The following TMPRSS5 variants were observed in gnomAD, a reference collection of about 807,000 sequenced individuals.
TMPRSS5 encodes transmembrane serine protease 5.
A neutral mutation model predicts 59.7 loss-of-function variants in TMPRSS5; 45 were observed. That is an observed-to-expected ratio of 0.75 (90% CI 0.59 to 0.97). TMPRSS5 has a LOEUF of 0.97. Ranked by LOEUF, TMPRSS5 falls within the 50% of genes least tolerant of loss-of-function variation. The pLI is 0.00. For synonymous variants in TMPRSS5, 225 were observed against 232.0 expected (o/e 0.97, Z 0.27); for missense variants, 585 against 596.7 (o/e 0.98, Z 0.20).
chr11:113,700,131 T>TG lies in TMPRSS5; in HGVS notation c.40dup (p.Gln14ProfsTer74). On this transcript the variant is annotated frameshift_variant, in exon 2 of 13. Coordinates refer to ENST00000299882, the MANE Select transcript of TMPRSS5 (RefSeq NM_030770.4). LOFTEE classifies it high-confidence loss of function. Reference sequence around the variant, plus strand: ...AGGTCCTGGGCCCTCCTCTGCATACTGGGCCTCCATAGGGGGTTGGTCATC... The same window carrying TG: ...AGGTCCTGGGCCCTCCTCTGCATACTGGGGCCTCCATAGGGGGTTGGTCATC... 1 of 1,581,312 alleles carries TG rather than the reference T, an allele frequency of 6.3e-7. No homozygotes were observed. Among genetic ancestry groups the TG allele is most frequent in the Non-Finnish European group, 8.6e-7 (1 of 1,162,180 alleles).
chr11:113,706,176 AAG>A, intron 1 of TMPRSS5, 44 bp downstream of exon 1: 7 of 1,583,362 alleles, frequency 4.4e-6, no homozygotes, highest in Non-Finnish European at 6.0e-6. Context: ...GAGAGAAAGA[AAG>A]AGAGAGAGGC....
chr11:113,690,028 C>T, intron 11 of TMPRSS5, 111 bp from the exon 12 acceptor site: 1 of 1,308,634 alleles, frequency 7.6e-7, no homozygotes, highest in Non-Finnish European at 1.0e-6. Context: ...CCGCCTGCTT[C>T]TAGCTGAGAT....
At chr11:113,700,481 T>A (rs1953101436) in intron 1 of TMPRSS5, among the ~76,000 whole-genome samples, 1 of 152,158 alleles carries the variant, frequency 6.6e-6, no homozygotes, top group African/African-American at 2.4e-5. Flanking sequence ...ATTGAAGGCA[T>A]CTACTAAAGT....
At chr11:113,699,152 C>T in intron 3 of TMPRSS5, 125 bp from the exon 4 acceptor site, 2 of 956,156 alleles carry the variant, frequency 2.1e-6, no homozygotes, top group Middle Eastern at 2.5e-4. Flanking sequence ...GGGCATAGCG[C>T]TCCATCTCTC....
At chr11:113,702,111 G>A (rs1444719472) in intron 1 of TMPRSS5, among the ~76,000 whole-genome samples, 2 of 152,120 alleles carry the variant, frequency 1.3e-5, no homozygotes, top group African/African-American at 4.8e-5. Flanking sequence ...CCCTGCAGAG[G>A]ACATTATCTC....
At chr11:113,691,560 A>C (rs1952779308) in intron 9 of TMPRSS5, among the ~76,000 whole-genome samples, 1 of 152,124 alleles carries the variant, frequency 6.6e-6, no homozygotes. Flanking sequence ...ATTTCTTTTC[A>C]TGCTACATAT....
chr11:113,698,635 C>G (rs991209944), intron 4 of TMPRSS5, among the ~76,000 whole-genome samples: 1 of 152,226 alleles, frequency 6.6e-6, no homozygotes, highest in African/African-American at 2.4e-5. Context: ...CTGGCTCACT[C>G]TGCCCCAAAT....
At chr11:113,693,900 T>C (rs1476976313) in intron 8 of TMPRSS5, among the ~76,000 whole-genome samples, 1 of 152,158 alleles carries the variant, frequency 6.6e-6, no homozygotes, top group African/African-American at 2.4e-5. Context: ...AATAATTACA[T>C]GGAAAATGAT....
intron 11 of TMPRSS5, 56 bp downstream of exon 11, chr11:113,690,175 T>TCCCCCCCCCCCCCCCCCCCCCCCCCCCCC: frequency 6.3e-6 from 1 of 159,590 alleles, no homozygotes. Flanking sequence ...GCAGGCCCCC[T>TCCCCCCCCCCCCCCCCCCCCCCCCCCCCC]GCCCTCCCAC....
intron 1 of TMPRSS5, among the ~76,000 whole-genome samples, chr11:113,701,775 CTT>C (rs1953143486): frequency 1.3e-5 from 1 of 75,268 alleles, no homozygotes; most frequent in Non-Finnish European, 2.3e-5. Flanking sequence ...GACATATAGT[CTT>C]TCTTTTTTTT....
chr11:113,696,730 T>A (rs1952936905), intron 6 of TMPRSS5, 128 bp downstream of exon 6: 2 of 637,474 alleles, frequency 3.1e-6, no homozygotes, highest in African/African-American at 3.7e-5. Flanking sequence ...TAGGAAATGT[T>A]CCTCTTTGTC....
At position 113,697,333 on chromosome 11, in the gene TMPRSS5, G is replaced by A. The variant is rs750464813; in HGVS notation, c.414C>T (p.Gly138=). The A allele has an allele frequency of 3.3e-5, 54 of 1,613,760 alleles. No individual in the cohort carries two copies. The highest frequency in any genetic ancestry group is 4.6e-5 in the Non-Finnish European group (54 of 1,179,662). The change falls in exon 5 of 13, where the codon GGC becomes GGT. Residue 138 remains glycine, a synonymous_variant. Coordinates refer to ENST00000299882, the MANE Select transcript of TMPRSS5 (RefSeq NM_030770.4). ...QPRWLLVCHE[G]WSPALGLQIC... is the part of the protein sequence containing the mutation. ...TCTGCAGCCCCAGGGCGGGGCTCCAGCCCTCATGGCAGACCAGGAGCCAGC... is the reference window on the plus strand; with the variant it reads ...TCTGCAGCCCCAGGGCGGGGCTCCAACCCTCATGGCAGACCAGGAGCCAGC...
intron 4 of TMPRSS5, among the ~76,000 whole-genome samples, chr11:113,697,882 C>T (rs1192486746): frequency 6.6e-6 from 1 of 152,118 alleles, no homozygotes; most frequent in Non-Finnish European, 1.5e-5. Flanking sequence ...ACTCATGTCC[C>T]CGCCCCCAAA....
At chr11:113,704,211 A>C (rs1393093765) in intron 1 of TMPRSS5, among the ~76,000 whole-genome samples, 1 of 152,230 alleles carries the variant, frequency 6.6e-6, no homozygotes, top group Non-Finnish European at 1.5e-5. Flanking sequence ...TCTTAAAAAA[A>C]ACACCAGACA....
chr11:113,701,791 A>G (rs369893983), intron 1 of TMPRSS5, among the ~76,000 whole-genome samples: 1 of 148,710 alleles, frequency 6.7e-6, no homozygotes, highest in Non-Finnish European at 1.5e-5. Flanking sequence ...TTTTTTTTTA[A>G]TTTTTTTATT....
chr11:113,698,706 G>A (rs1448485126), intron 4 of TMPRSS5, 199 bp downstream of exon 4: 2 of 633,522 alleles, frequency 3.2e-6, no homozygotes, highest in East Asian at 2.9e-5. Context: ...TAGAGATCAG[G>A]ACAGTCCTCA....
At chr11:113,694,663 TAGAA>T in intron 7 of TMPRSS5, 23 bp from the exon 8 acceptor site, 1 of 1,526,352 alleles carries the variant, frequency 6.6e-7, no homozygotes, top group Non-Finnish European at 8.8e-7. Context: ...ATGGGTGAGA[TAGAA>T]AGAGAGAGAG....
chr11:113,704,916 G>A (rs1021295447), intron 1 of TMPRSS5, among the ~76,000 whole-genome samples: 1 of 151,468 alleles, frequency 6.6e-6, no homozygotes. Context: ...GTACAAATAA[G>A]ATAATGTGAA....
chr11:113,696,973 T>G lies in TMPRSS5; in HGVS notation c.465-2A>C. The G allele has an allele frequency of 6.4e-7, 1 of 1,565,624 alleles. No homozygotes were observed. Among genetic ancestry groups the G allele is most frequent in the East Asian group, 2.3e-5 (1 of 42,834 alleles). On this transcript the variant is annotated splice_acceptor_variant, in intron 5 of 12. Coordinates refer to ENST00000299882, the MANE Select transcript of TMPRSS5 (RefSeq NM_030770.4). LOFTEE classifies it high-confidence loss of function. ...TTTACTCCCTTGTGGTGAGTGAGTC[T>G]TGGCAGAAGAAGGGAATAGAACAGG... is the stretch of plus-strand genomic sequence containing the variant.
Sources: gnomAD v4.1 joint callset for allele counts (sites outside exome capture counted in the v4.1 genomes callset) on GRCh38, gnomAD v4.1.1 for gene constraint, MANE v1.5 for transcripts, NCBI Gene and HGNC (gene_info 2026-07-23, HGNC 2026-07-21) for gene names.